Variants in SLC39A8 observed in about 807,000 individuals in gnomAD.
The protein encoded by SLC39A8 is metal cation symporter ZIP8.
Under a neutral mutation model 40.4 loss-of-function variants are expected in SLC39A8, and 15 were observed. The observed-to-expected ratio is 0.37, with a 90% confidence interval of 0.25 to 0.57. SLC39A8 has a LOEUF of 0.57. Among genes scored for constraint, SLC39A8 ranks in the 20% least tolerant of loss-of-function variants. The pLI, the probability that SLC39A8 is intolerant of heterozygous loss-of-function variation, is 0.75. For synonymous variants in SLC39A8, 223 were observed against 221.6 expected (o/e 1.01, Z -0.06); for missense variants, 472 against 558.8 (o/e 0.84, Z 1.57).
chr4:102,291,343 C>T (rs1733432823), intron 6 of SLC39A8, among the ~76,000 whole-genome samples: 1 of 151,884 alleles, frequency 6.6e-6, no homozygotes, highest in African/African-American at 2.4e-5. Context: ...ACACACCACA[C>T]AGCAACACGT....
intron 4 of SLC39A8, among the ~76,000 whole-genome samples, chr4:102,306,487 A>G (rs554725498): frequency 2.2e-5 from 3 of 133,694 alleles, no homozygotes; most frequent in Non-Finnish European, 4.7e-5. Context: ...TAATAAATCT[A>G]TAACTCTAAA....
exon 12 of SLC39A8, chr4:102,251,558 G>C (rs1367154801): frequency 6.6e-6 from 1 of 152,110 alleles, no homozygotes; most frequent in Non-Finnish European, 1.5e-5. Flanking sequence ...CAGGTTAACG[G>C]GAGAAAAGCA....
chr4:102,328,212 C>G (rs1735300457), intron 2 of SLC39A8, among the ~76,000 whole-genome samples: 1 of 152,192 alleles, frequency 6.6e-6, no homozygotes, highest in African/African-American at 2.4e-5. Flanking sequence ...CCTCACCTCT[C>G]AGTCATTCCT....
chr4:102,338,045 C>A (rs1385508116), intron 2 of SLC39A8, among the ~76,000 whole-genome samples: 1 of 152,136 alleles, frequency 6.6e-6, no homozygotes, highest in Non-Finnish European at 1.5e-5. Flanking sequence ...AAATCCCTCA[C>A]CTTTCTAAAC....
At chr4:102,331,484 G>C (rs1251026807) in intron 2 of SLC39A8, among the ~76,000 whole-genome samples, 3 of 152,084 alleles carry the variant, frequency 2.0e-5, no homozygotes, top group Non-Finnish European at 4.4e-5. Flanking sequence ...TCTTCTAGGA[G>C]AACTACAAAC....
At chr4:102,255,338 G>T (rs1252150278) in intron 11 of SLC39A8, among the ~76,000 whole-genome samples, 1 of 152,162 alleles carries the variant, frequency 6.6e-6, no homozygotes, top group South Asian at 2.1e-4. Context: ...TTACAAAATT[G>T]AAGGAACTAA....
At chr4:102,269,213 C>G (rs1236578972) in intron 6 of SLC39A8, among the ~76,000 whole-genome samples, 1 of 152,086 alleles carries the variant, frequency 6.6e-6, no homozygotes, top group Non-Finnish European at 1.5e-5. Flanking sequence ...TACTTCAGAG[C>G]AACCATCTAA....
chr4:102,344,564 C>T lies in SLC39A8; in HGVS notation c.99G>A (p.Val33=), dbSNP rs776807786. 2 of 1,552,234 alleles carry T rather than the reference C, an allele frequency of 1.3e-6. No homozygotes were observed. Among genetic ancestry groups the T allele is most frequent in the Admixed American group, 3.9e-5 (2 of 51,408 alleles). The change falls in exon 2 of 9, where the codon GTG becomes GTA. Residue 33 remains valine, a synonymous_variant. Coordinates refer to ENST00000356736, the MANE Select transcript of SLC39A8 (RefSeq NM_001135146.2). ...EGPGLAFSED[V]LSVFGANLSL... The stretch of plus-strand genomic sequence containing the variant: ...TCAGATTCGCGCCGAACACGCTCAG[C>T]ACATCCTCGCTGAAGGCTAGCCCTG...
chr4:102,336,637 A>G (rs1376439227), intron 2 of SLC39A8, among the ~76,000 whole-genome samples: 2 of 152,202 alleles, frequency 1.3e-5, no homozygotes, highest in East Asian at 1.9e-4. Flanking sequence ...TCTAGACTCA[A>G]CAGATTTTTG....
chr4:102,297,336 C>G (rs1162219784), intron 6 of SLC39A8, among the ~76,000 whole-genome samples: 1 of 152,072 alleles, frequency 6.6e-6, no homozygotes, highest in East Asian at 1.9e-4. Flanking sequence ...CTTACCTTCT[C>G]TGTACATCAG....
At chr4:102,263,992 A>T (rs185167198) in intron 8 of SLC39A8, among the ~76,000 whole-genome samples, 2 of 152,256 alleles carry the variant, frequency 1.3e-5, no homozygotes, top group East Asian at 3.9e-4. Flanking sequence ...AGTCTTGAAC[A>T]CCTCAAAGTC....
intron 4 of SLC39A8, 53 bp downstream of exon 4, chr4:102,307,383 A>G: frequency 1.9e-6 from 3 of 1,590,650 alleles, no homozygotes; most frequent in Non-Finnish European, 2.6e-6. Flanking sequence ...ACAAAGTGCT[A>G]AAACGTTCAA....
chr4:102,283,668 C>T (rs1278135008), intron 6 of SLC39A8, among the ~76,000 whole-genome samples: 1 of 152,188 alleles, frequency 6.6e-6, no homozygotes, highest in Non-Finnish European at 1.5e-5. Context: ...TTGCAAAAGA[C>T]AGTTGTTTTC....
chr4:102,337,014 C>A (rs186983398), intron 2 of SLC39A8, among the ~76,000 whole-genome samples: 2 of 152,040 alleles, frequency 1.3e-5, no homozygotes, highest in Admixed American at 1.3e-4. Context: ...TAGCTGTTTG[C>A]ACTTAGTAAT....
At chr4:102,329,516 C>T (rs572060391) in intron 2 of SLC39A8, among the ~76,000 whole-genome samples, 10 of 150,814 alleles carry the variant, frequency 6.6e-5, no homozygotes, top group South Asian at 2.1e-4. Flanking sequence ...CCAGCTATTT[C>T]GGAAGCTGAG....
chr4:102,295,855 C>CT (rs1366297515), intron 6 of SLC39A8, among the ~76,000 whole-genome samples: 1 of 152,052 alleles, frequency 6.6e-6, no homozygotes, highest in Non-Finnish European at 1.5e-5. Context: ...AAATAAAATG[C>CT]TTTTGTCAAA....
intron 3 of SLC39A8, among the ~76,000 whole-genome samples, chr4:102,308,315 A>T (rs1420214529): frequency 6.6e-6 from 1 of 152,088 alleles, no homozygotes; most frequent in African/African-American, 2.4e-5. Flanking sequence ...AAAATATTCC[A>T]TACAGAAGAG....
At chr4:102,330,887 C>T (rs539051552) in intron 2 of SLC39A8, among the ~76,000 whole-genome samples, 23 of 152,268 alleles carry the variant, frequency 1.5e-4, no homozygotes, top group South Asian at 2.1e-4. Context: ...AATCAATAAA[C>T]GTAATCCATC....
chr4:102,289,281 C>G (rs914792552), intron 6 of SLC39A8, among the ~76,000 whole-genome samples: 6 of 152,100 alleles, frequency 3.9e-5, no homozygotes, highest in African/African-American at 1.4e-4. Flanking sequence ...CTGTTGGGAC[C>G]TACAGCTCAG....
Sources: allele counts gnomAD v4.1 joint callset (sites outside exome capture counted in the v4.1 genomes callset), GRCh38; gene constraint gnomAD v4.1.1; transcripts MANE v1.5; gene names NCBI Gene and HGNC (gene_info 2026-07-23, HGNC 2026-07-21).